GBF1: variants seen among roughly 807,000 people sequenced by gnomAD.
The protein encoded by GBF1 is golgi brefeldin A resistant guanine nucleotide exchange factor 1.
GBF1 carries 114 observed loss-of-function variants against 210.5 expected under a neutral mutation model. The ratio of observed to expected loss-of-function variants is 0.54; its 90% CI spans 0.47 to 0.63. GBF1 has a LOEUF of 0.63. GBF1 is among the 30% of genes least tolerant of loss of function. The probability of loss-of-function intolerance (pLI) is 0.00; values close to 1 mark genes in which losing one functional copy is unlikely to be tolerated. For synonymous variants in GBF1, 850 were observed against 889.2 expected (o/e 0.96, Z 0.78); for missense variants, 1,851 against 2,357.7 (o/e 0.79, Z 4.45).
chr10:102,349,569 A>T (rs541745350), intron 4 of GBF1, among the ~76,000 whole-genome samples: 1 of 152,094 alleles, frequency 6.6e-6, no homozygotes, highest in East Asian at 1.9e-4. Context: ...AAATAACAAC[A>T]ATCTTATAAT....
rs1283536171 is a variant in GBF1 at position 102,300,542 on chromosome 10, A to G, written c.163+40426A>G. Among the ~76,000 whole-genome samples, 4 of 152,250 alleles carry G rather than the reference A, an allele frequency of 2.6e-5. No homozygotes were observed. The East Asian group carries it at 5.8e-4, about 22-fold the overall frequency. On this transcript the variant is annotated intron_variant, in intron 3 of 39. Transcript: ENST00000369983. ...ACCTGAATCAAAACAAGTTAAATAA[A>G]TGGTAAAAAGGATTCTGACCTTAGA...
chr10:102,369,236 T>C lies in GBF1; in HGVS notation c.2999T>C (p.Phe1000Ser). ...TCTATTGAGAACCTGCCCAGTGTAT[T>C]TGGAAGCAACCCTAAAGCCCATATT... is the stretch of plus-strand genomic sequence containing the variant. ...SESIENLPSVFGSNPKAHIAA... is the reference protein window; with the variant it reads ...SESIENLPSVSGSNPKAHIAA... Residue 1000 changes from phenylalanine to serine, a missense_variant, in exon 24 of 40, where the codon TTT becomes TCT. This residue lies in a region of GBF1 where 967 missense variants were observed against 1,247.7 expected (regional missense o/e 0.78). Transcript: ENST00000369983. 6.2e-7 allele frequency: 1 copy of C among 1,613,820 alleles called. No individual in the cohort carries two copies. The highest frequency in any genetic ancestry group is 8.5e-7 in the Non-Finnish European group (1 of 1,179,686).
intron 3 of GBF1, among the ~76,000 whole-genome samples, chr10:102,297,670 G>A (rs995703485): frequency 6.6e-6 from 1 of 152,094 alleles, no homozygotes. Context: ...GAAGCAGAAG[G>A]GAAAGAAATG....
intron 3 of GBF1, among the ~76,000 whole-genome samples, chr10:102,274,361 C>T (rs779010888): frequency 5.3e-5 from 8 of 152,036 alleles, no homozygotes; most frequent in Non-Finnish European, 1.0e-4. Flanking sequence ...GCCTGCTTGG[C>T]AGTGACCCTG....
intron 3 of GBF1, among the ~76,000 whole-genome samples, chr10:102,290,634 G>A (rs2076358077): frequency 6.6e-6 from 1 of 152,118 alleles, no homozygotes; most frequent in African/African-American, 2.4e-5. Context: ...GAGTAGCTGG[G>A]ACTACAGGTG....
At chr10:102,315,795 A>G (rs149804997) in intron 3 of GBF1, among the ~76,000 whole-genome samples, 21 of 151,898 alleles carry the variant, frequency 1.4e-4, no homozygotes, top group African/African-American at 5.1e-4. Context: ...GGGGTTGGGG[A>G]CCCCTGCTGT....
intron 3 of GBF1, among the ~76,000 whole-genome samples, chr10:102,332,080 G>A (rs557000437): frequency 5.9e-5 from 9 of 151,632 alleles, no homozygotes; most frequent in South Asian, 4.2e-4. Context: ...GGCTGGTTTC[G>A]AACTCCTGAC....
rs368027402 is a variant in GBF1, at chr10:102,380,590, G to A, written c.5077G>A (p.Gly1693Ser). 5.6e-6 allele frequency: 9 copies of A among 1,613,826 alleles called. No homozygotes were observed. Among genetic ancestry groups the A allele is most frequent in the Non-Finnish European group, 7.6e-6 (9 of 1,179,894 alleles). The stretch of plus-strand genomic sequence containing the variant: ...TTTCCACAGTGCAGATGCACGGGGA[G>A]GCGGCCCCTCGGCCCTCTGGGAGAT... The part of the protein sequence containing the change: ...EIFHSADARG[G>S]GPSALWEITW... The change falls in exon 38 of 40, where the codon GGC (glycine) becomes AGC (serine). Residue 1693 changes from glycine to serine, a missense_variant. Physicochemically the swap from Gly to Ser is moderately conservative, Grantham distance 56. Around this residue, in one of 3 missense-constraint regions of GBF1, gnomAD observed 967 missense variants for 1,247.7 expected, o/e 0.78. Coordinates refer to ENST00000369983, the MANE Select transcript of GBF1 (RefSeq NM_001377137.1).
intron 3 of GBF1, among the ~76,000 whole-genome samples, chr10:102,312,880 AG>A (rs1246192656): frequency 6.6e-6 from 1 of 151,884 alleles, no homozygotes; most frequent in African/African-American, 2.4e-5. Context: ...TTCCTTTCTG[AG>A]TCAGTTAAAT....
At chr10:102,375,611 G>T in intron 30 of GBF1, 27 bp downstream of exon 30, 1 of 1,456,840 alleles carries the variant, frequency 6.9e-7, no homozygotes. Context: ...GGAGACTCAG[G>T]CTGGCAGATA....
At position 102,281,982 on chromosome 10, in the gene GBF1, A is replaced by G. The variant is rs1253414005; in HGVS notation, c.163+21866A>G. ...CGCTCTGTCGCCCAGGCTGGAGTGC[A>G]GTGGCGCGATCTTGGCTCACTGCAA... On this transcript the variant is annotated intron_variant, in intron 3 of 39. Transcript: ENST00000369983. Among the ~76,000 whole-genome samples, 22 of 145,066 alleles carry G rather than the reference A, an allele frequency of 1.5e-4. No homozygotes were observed. The Admixed American group carries it at 1.5e-3, about 10-fold the overall frequency.
At chr10:102,254,035 A>T (rs1396384166) in intron 1 of GBF1, among the ~76,000 whole-genome samples, 1 of 152,132 alleles carries the variant, frequency 6.6e-6, no homozygotes, top group Non-Finnish European at 1.5e-5. Flanking sequence ...CAGTTATTGT[A>T]TACTCTGGAT....
rs1198356737 is a variant in GBF1 at position 102,377,082 on chromosome 10, A to T, written c.4436A>T (p.Asp1479Val). The T allele has an allele frequency of 1.9e-6, 3 of 1,614,180 alleles. No homozygotes were observed. In the Admixed American group the frequency reaches 5.0e-5, roughly 27 times the overall value. Residue 1479 changes from aspartate to valine, a missense_variant, in exon 33 of 40, where the codon GAT becomes GTT. Around this residue, in one of 3 missense-constraint regions of GBF1, gnomAD observed 967 missense variants for 1,247.7 expected, o/e 0.78. Coordinates refer to ENST00000369983, the MANE Select transcript of GBF1 (RefSeq NM_001377137.1). ...HASRGGQSDD[D>V]EDEGVPASYH... ...TCTCGGGGCGGGCAGAGTGATGATG[A>T]TGAGGACGAAGGCGTGCCTGCCAGC...
At chr10:102,334,021 C>CTA (rs976264762) in intron 3 of GBF1, among the ~76,000 whole-genome samples, 39 of 152,012 alleles carry the variant, frequency 2.6e-4, no homozygotes, top group African/African-American at 8.0e-4. Context: ...TTTTATCATG[C>CTA]TATGATTTAT....
At chr10:102,352,551 G>C (rs1200495292) in intron 7 of GBF1, 33 bp downstream of exon 7, 1 of 1,513,866 alleles carries the variant, frequency 6.6e-7, no homozygotes, top group South Asian at 1.1e-5. Context: ...CAGCCCGGCT[G>C]CCCAGGCCTC....
At chr10:102,298,360 A>C (rs538755642) in intron 3 of GBF1, among the ~76,000 whole-genome samples, 1 of 152,230 alleles carries the variant, frequency 6.6e-6, no homozygotes, top group African/African-American at 2.4e-5. Flanking sequence ...TTTTGACTTT[A>C]AAAAATTAAA....
chr10:102,331,459 AG>A (rs2057326916), intron 3 of GBF1, among the ~76,000 whole-genome samples: 1 of 151,690 alleles, frequency 6.6e-6, no homozygotes, highest in Admixed American at 6.6e-5. Context: ...TTAATCAGAG[AG>A]TTAAGGTTTG....
At chr10:102,304,881 G>A (rs1395849362) in intron 3 of GBF1, among the ~76,000 whole-genome samples, 3 of 151,784 alleles carry the variant, frequency 2.0e-5, no homozygotes, top group Admixed American at 6.6e-5. Context: ...GTGTGGTGGT[G>A]CAAGCCTGTA....
chr10:102,361,903 G>A lies in GBF1; in HGVS notation c.1677G>A (p.Leu559=). The change falls in exon 14 of 40, where the codon CTG becomes CTA. Residue 559 remains leucine, a synonymous_variant. Transcript: ENST00000369983. ...CSNLFEELTK[L]LSKNAFPVSG... ...ACCTCTTTGAGGAACTCACAAAGCTGCTGTCCAAGGTGCTGAGCACTATAA... is the reference window on the plus strand; with the variant it reads ...ACCTCTTTGAGGAACTCACAAAGCTACTGTCCAAGGTGCTGAGCACTATAA... The A allele has an allele frequency of 6.2e-7, 1 of 1,601,896 alleles. No individual in the cohort carries two copies.
Sources: gnomAD v4.1 joint callset for allele counts (sites outside exome capture counted in the v4.1 genomes callset) on GRCh38, gnomAD v4.1.1 for gene constraint, gnomAD v4.1.1 regional missense constraint, MANE v1.5 for transcripts, NCBI Gene and HGNC (gene_info 2026-07-23, HGNC 2026-07-21) for gene names.